Variants in SRSF10 observed in about 807,000 individuals in gnomAD.
The protein encoded by SRSF10 is serine/arginine-rich splicing factor 10.
Under a neutral mutation model 32.6 loss-of-function variants are expected in SRSF10, and 9 were observed. The ratio of observed to expected loss-of-function variants is 0.28; its 90% CI spans 0.17 to 0.48. The LOEUF is 0.48. Among genes scored for constraint, SRSF10 ranks in the 20% least tolerant of loss-of-function variants. SRSF10 has a pLI of 0.99. For synonymous variants in SRSF10, 105 were observed against 112.4 expected (o/e 0.93, Z 0.42); for missense variants, 201 against 331.8 (o/e 0.61, Z 3.06).
chr1:23,967,798 G>GA lies in SRSF10; in HGVS notation c.*3343dup. 1 of 1,591,188 alleles carries GA rather than the reference G, an allele frequency of 6.3e-7. No homozygotes were observed. The highest frequency in any genetic ancestry group is 1.1e-5 in the South Asian group (1 of 89,328). Reference sequence around the variant, plus strand: ...TGTGGTATACAGGATTTTGTTAGTTGAACTGGATGTAGCAGCTTACTGGGC... The same window carrying GA: ...TGTGGTATACAGGATTTTGTTAGTTGAAACTGGATGTAGCAGCTTACTGGGC... On this transcript the variant is annotated 3_prime_UTR_variant, in exon 6 of 6. Transcript: ENST00000492112.
chr1:23,980,053 A>T, intron 1 of SRSF10, 138 bp downstream of exon 1: 1 of 935,834 alleles, frequency 1.1e-6, no homozygotes, highest in Non-Finnish European at 1.5e-6. Flanking sequence ...TGCGCGGCCT[A>T]GTTCGGCGCC....
chr1:23,980,317 G>C lies in SRSF10; in HGVS notation c.-62C>G, dbSNP rs1363517806. Reference sequence around the variant, plus strand: ...TCAGCAAACCGTCCGCGGCTCAGGCGGCCGAGCCTCAGACACACACAGCTA... The same window carrying C: ...TCAGCAAACCGTCCGCGGCTCAGGCCGCCGAGCCTCAGACACACACAGCTA... On this transcript the variant is annotated 5_prime_UTR_variant, in exon 1 of 6. Coordinates refer to ENST00000492112, the MANE Select transcript of SRSF10 (RefSeq NM_054016.4). 1 of 1,374,510 alleles carries C rather than the reference G, an allele frequency of 7.3e-7. No homozygotes were observed. The highest frequency in any genetic ancestry group is 3.1e-5 in the East Asian group (1 of 32,716). 85.1% of individuals were successfully genotyped at this position (1,374,510 alleles called of 1,614,324 possible).
intron 2 of SRSF10, 144 bp from the exon 3 acceptor site, chr1:23,975,221 T>G (rs552488046): frequency 1.4e-6 from 1 of 697,616 alleles, no homozygotes; most frequent in Non-Finnish European, 2.6e-6. Context: ...GGTGATTCAG[T>G]TGGATTCAGT....
rs1207791598 is a variant in SRSF10 at position 23,965,790 on chromosome 1, A to C, written c.*5352T>G. 10 of 151,888 alleles carry C rather than the reference A, an allele frequency of 6.6e-5. No individual in the cohort carries two copies. The highest frequency in any genetic ancestry group is 2.4e-4 in the African/African-American group (10 of 41,408). 9.4% of individuals were successfully genotyped at this position (151,888 alleles called of 1,614,324 possible). Reference sequence around the variant, plus strand: ...ATTGTAGTTATATATGTATTTACCTAATTTTTTTTAAACAAAACCCCAACT... The same window carrying C: ...ATTGTAGTTATATATGTATTTACCTCATTTTTTTTAAACAAAACCCCAACT... On this transcript the variant is annotated 3_prime_UTR_variant, in exon 6 of 6. Transcript: ENST00000492112.
At chr1:23,972,789 C>A (rs192860193) in intron 3 of SRSF10, among the ~76,000 whole-genome samples, 1 of 150,670 alleles carries the variant, frequency 6.6e-6, no homozygotes. Flanking sequence ...TTGCCCAGGC[C>A]GGAGTGCGAT....
rs1641806182 is a variant in SRSF10, at chr1:23,972,301, G to A, written c.275-289C>T. On this transcript the variant is annotated intron_variant, in intron 3 of 5. Transcript: ENST00000492112. ...GCACATGTATTCCAGCTACCCAGGA[G>A]GCTAAGGGGGGAAATCACTTGAGCT... is the stretch of plus-strand genomic sequence containing the variant. 2.0e-5 allele frequency among the ~76,000 whole-genome samples: 3 copies of A among 152,118 alleles called. No individual in the cohort carries two copies. In the South Asian group the frequency reaches 6.2e-4, roughly 32 times the overall value.
At chr1:23,974,233 G>C (rs1641946328) in intron 3 of SRSF10, among the ~76,000 whole-genome samples, 1 of 152,046 alleles carries the variant, frequency 6.6e-6, no homozygotes, top group Non-Finnish European at 1.5e-5. Context: ...CCAAAGTGCT[G>C]GGATTACAGG....
chr1:23,979,939 G>C (rs1015249745), intron 1 of SRSF10, among the ~76,000 whole-genome samples: 15 of 152,096 alleles, frequency 9.9e-5, no homozygotes, highest in Non-Finnish European at 1.8e-4. Flanking sequence ...CAGGGAGAAA[G>C]GGGCTGCAAA....
Position 23,966,391 on chromosome 1 carries a change from A to G in SRSF10, c.*4751T>C, listed in dbSNP as rs1451705191. The G allele has an allele frequency of 1.3e-5, 2 of 152,040 alleles. No homozygotes were observed. The highest frequency in any genetic ancestry group is 4.8e-5 in the African/African-American group (2 of 41,444). The allele number at this position is 152,040 out of a possible 1,614,324, so 9.4% of individuals were successfully genotyped here. On this transcript the variant is annotated 3_prime_UTR_variant, in exon 6 of 6. Coordinates refer to ENST00000492112, the MANE Select transcript of SRSF10 (RefSeq NM_054016.4). ...ACAAAAATCAAATGTGATGAAATCA[A>G]TGTATAGGTAAAGAAACATCATATC...
rs1444502800 is a variant in SRSF10, at chr1:23,966,527, A to G, written c.*4615T>C. 1 of 152,050 alleles carries G rather than the reference A, an allele frequency of 6.6e-6. No homozygotes were observed. Among genetic ancestry groups the G allele is most frequent in the African/African-American group, 2.4e-5 (1 of 41,454 alleles). 9.4% of individuals were successfully genotyped at this position (152,050 alleles called of 1,614,324 possible). ...ATGTACATGTAAATCACTAAAAAGT[A>G]TAATTTGGTGAACATTTTCTCAATT... On this transcript the variant is annotated 3_prime_UTR_variant, in exon 6 of 6. Coordinates refer to ENST00000492112, the MANE Select transcript of SRSF10 (RefSeq NM_054016.4).
intron 1 of SRSF10, 36 bp from the exon 2 acceptor site, chr1:23,978,853 C>T: frequency 1.9e-6 from 3 of 1,573,192 alleles, no homozygotes; most frequent in Middle Eastern, 1.7e-4. Context: ...ATTTTTATGT[C>T]CAAGTCCTTA....
At chr1:23,980,131 G>T (rs7523052) in intron 1 of SRSF10, 60 bp downstream of exon 1, 58,444 of 1,489,370 alleles carry the variant, frequency 0.039, 1,559 homozygotes, top group African/African-American at 0.13. Flanking sequence ...CACCACCAGG[G>T]TCCTCTCCAG....
chr1:23,977,869 A>C (rs1267684438), intron 2 of SRSF10: 1 of 755,700 alleles, frequency 1.3e-6, no homozygotes, highest in African/African-American at 4.9e-5. Context: ...CTTACAAAAC[A>C]TTAAAAAAAA....
intron 1 of SRSF10, among the ~76,000 whole-genome samples, chr1:23,979,200 T>C (rs1642275644): frequency 6.6e-6 from 1 of 152,064 alleles, no homozygotes; most frequent in Non-Finnish European, 1.5e-5. Context: ...AAGTCACAAA[T>C]ATCGAACTTC....
Position 23,971,039 on chromosome 1 carries a change from G to GT in SRSF10, c.*102dup. 6.7e-6 allele frequency: 10 copies of GT among 1,503,684 alleles called. No individual in the cohort carries two copies. The highest frequency in any genetic ancestry group is 8.0e-6 in the Non-Finnish European group (9 of 1,131,848). The allele number at this position is 1,503,684 out of a possible 1,614,324, so 93.1% of individuals were successfully genotyped here. On this transcript the variant is annotated 3_prime_UTR_variant, in exon 6 of 6. Coordinates refer to ENST00000492112, the MANE Select transcript of SRSF10 (RefSeq NM_054016.4). ...CCTGGTACAGGGAAAACTAACAAGT[G>GT]TTTTTTAAGCATCATTGCAACATTG...
At chr1:23,974,427 A>G (rs889664204) in intron 3 of SRSF10, among the ~76,000 whole-genome samples, 4 of 152,172 alleles carry the variant, frequency 2.6e-5, no homozygotes, top group East Asian at 1.9e-4. Flanking sequence ...GAGTCCACAT[A>G]TATTTCAGGC....
chr1:23,969,412 A>C lies in SRSF10; in HGVS notation c.*1730T>G, dbSNP rs1213280600. On this transcript the variant is annotated 3_prime_UTR_variant, in exon 6 of 6. Transcript: ENST00000492112. ...ATAGCAGAACATGAACATTAACTGC[A>C]AACAGTAAAGAAATGAAAGTTAGAA... The C allele has an allele frequency of 2.0e-6, 2 of 985,640 alleles. No homozygotes were observed. Among genetic ancestry groups the C allele is most frequent in the Non-Finnish European group, 2.4e-6 (2 of 829,812 alleles). 61.1% of individuals were successfully genotyped at this position (985,640 alleles called of 1,614,324 possible). A position where few individuals can be genotyped will look rare whatever the true frequency, so the allele number is the denominator to read the frequency against.
chr1:23,967,496 G>T lies in SRSF10; in HGVS notation c.*3646C>A. 2 of 491,254 alleles carry T rather than the reference G, an allele frequency of 4.1e-6. No homozygotes were observed. Among genetic ancestry groups the T allele is most frequent in the Non-Finnish European group, 7.3e-6 (2 of 273,734 alleles). 30.4% of individuals were successfully genotyped at this position (491,254 alleles called of 1,614,324 possible). ...AATTTCCTTTTATTTGTCCTAAAAT[G>T]CTTACTTTCAAACTTGAAGGGACTT... On this transcript the variant is annotated 3_prime_UTR_variant, in exon 6 of 6. Transcript: ENST00000492112.
intron 3 of SRSF10, among the ~76,000 whole-genome samples, chr1:23,973,326 T>G (rs1335662195): frequency 1.3e-5 from 2 of 152,156 alleles, no homozygotes; most frequent in East Asian, 3.9e-4. Context: ...AAACTCCAAA[T>G]GGAAGTGAGT....
Sources: gnomAD v4.1 joint callset for allele counts (sites outside exome capture counted in the v4.1 genomes callset) on GRCh38, gnomAD v4.1.1 for gene constraint, MANE v1.5 for transcripts, NCBI Gene and HGNC (gene_info 2026-07-23, HGNC 2026-07-21) for gene names.